Variants in GPAT3 observed in about 807,000 individuals in gnomAD.
The protein encoded by GPAT3 is glycerol-3-phosphate acyltransferase 3.
Under a neutral mutation model 58.8 loss-of-function variants are expected in GPAT3, and 53 were observed. The ratio of observed to expected loss-of-function variants is 0.90; its 90% confidence interval spans 0.72 to 1.13. The LOEUF (loss-of-function observed/expected upper bound fraction) is 1.13, where lower values mean the gene tolerates loss of function less well. Among genes scored for constraint, GPAT3 ranks in the 50% most tolerant of loss-of-function variants. GPAT3 has a pLI of 0.00. For synonymous variants in GPAT3, 197 were observed against 187.4 expected, an observed-to-expected ratio of 1.05 and a Z score of -0.42; for missense variants, 511 against 527.6, an observed-to-expected ratio of 0.97 and a Z score of 0.31.
chr4:83,600,997 G>A (rs989546892), intron 11 of GPAT3, among the ~76,000 whole-genome samples: 31 of 152,240 alleles, frequency 2.0e-4, no homozygotes, highest in African/African-American at 7.5e-4. Flanking sequence ...ACTGAGTTAG[G>A]CTGTCAGCCA....
intron 2 of GPAT3, among the ~76,000 whole-genome samples, chr4:83,575,452 G>A (rs565076870): frequency 2.0e-5 from 3 of 151,854 alleles, no homozygotes; most frequent in East Asian, 3.9e-4. Context: ...TTGCTCTGTC[G>A]CCCAGGCTGG....
At chr4:83,602,851 C>T (rs1292620482) in intron 11 of GPAT3, among the ~76,000 whole-genome samples, 1 of 152,164 alleles carries the variant, frequency 6.6e-6, no homozygotes, top group Admixed American at 6.5e-5. Flanking sequence ...ATAAAAGAGG[C>T]TTATGTGGAC....
intron 1 of GPAT3, 110 bp downstream of exon 1, chr4:83,536,873 T>C: frequency 3.0e-6 from 3 of 1,009,134 alleles, no homozygotes; most frequent in Non-Finnish European, 4.4e-6. Context: ...TGCGCGCGTG[T>C]GCATGCGTGC....
intron 6 of GPAT3, among the ~76,000 whole-genome samples, chr4:83,592,874 TC>T (rs1190531382): frequency 6.6e-6 from 1 of 152,108 alleles, no homozygotes; most frequent in Non-Finnish European, 1.5e-5. Context: ...ATTTAACATT[TC>T]TTTTTTTTTG....
chr4:83,598,477 C>T, intron 10 of GPAT3, 167 bp from the exon 11 acceptor site: 2 of 763,604 alleles, frequency 2.6e-6, no homozygotes, highest in East Asian at 2.7e-5. Flanking sequence ...TACAACACTG[C>T]ATTTTCTTTA....
At chr4:83,539,379 C>T (rs1363156140) in intron 1 of GPAT3, among the ~76,000 whole-genome samples, 1 of 152,160 alleles carries the variant, frequency 6.6e-6, no homozygotes, top group South Asian at 2.1e-4. Context: ...TTGGATATTT[C>T]TCAAGTTTCT....
At chr4:83,598,472 C>A in intron 10 of GPAT3, 172 bp from the exon 11 acceptor site, 3 of 752,580 alleles carry the variant, frequency 4.0e-6, no homozygotes, top group South Asian at 1.7e-5. Flanking sequence ...AACAATACAA[C>A]ACTGCATTTT....
At chr4:83,585,321 TATA>T (rs1726337768) in intron 3 of GPAT3, among the ~76,000 whole-genome samples, 1 of 149,868 alleles carries the variant, frequency 6.7e-6, no homozygotes, top group African/African-American at 2.4e-5. Flanking sequence ...GTTATTAAGT[TATA>T]ATTATAAAAT....
At chr4:83,572,096 G>T (rs893722449) in intron 2 of GPAT3, among the ~76,000 whole-genome samples, 1 of 152,046 alleles carries the variant, frequency 6.6e-6, no homozygotes, top group Non-Finnish European at 1.5e-5. Flanking sequence ...TTAAAATGTA[G>T]CTGACATTTT....
At chr4:83,591,818 A>G (rs1164525883) in intron 6 of GPAT3, among the ~76,000 whole-genome samples, 3 of 152,200 alleles carry the variant, frequency 2.0e-5, no homozygotes, top group African/African-American at 4.8e-5. Context: ...TTGTGCTGCT[A>G]CAACAGAATA....
intron 1 of GPAT3, among the ~76,000 whole-genome samples, chr4:83,542,261 T>C (rs1724332456): frequency 1.3e-5 from 2 of 152,214 alleles, no homozygotes; most frequent in African/African-American, 4.8e-5. Flanking sequence ...TCATATCTGG[T>C]TTACTTACAA....
Position 83,558,546 on chromosome 4 carries a change from T to C in GPAT3, c.208+13944T>C, listed in dbSNP as rs1725020232. On this transcript the variant is annotated intron_variant, in intron 2 of 11. Transcript: ENST00000264409. ...ATGGGGGACATTGGCAAATGTTTTTTGGTGGATATACTGGTGTTGAAGCGG... is the reference window on the plus strand; with the variant it reads ...ATGGGGGACATTGGCAAATGTTTTTCGGTGGATATACTGGTGTTGAAGCGG... Among the ~76,000 whole-genome samples, 6 of 152,224 alleles carry C rather than the reference T, an allele frequency of 3.9e-5. No homozygotes were observed. The South Asian group carries it at 1.2e-3, about 32-fold the overall frequency.
At chr4:83,586,207 T>C (rs963175225) in intron 3 of GPAT3, among the ~76,000 whole-genome samples, 13 of 152,302 alleles carry the variant, frequency 8.5e-5, no homozygotes, top group African/African-American at 2.6e-4. Flanking sequence ...AAACCTGGGA[T>C]TGGTTAAGAC....
At chr4:83,550,001 GT>G (rs1339603302) in intron 2 of GPAT3, among the ~76,000 whole-genome samples, 2 of 151,386 alleles carry the variant, frequency 1.3e-5, no homozygotes, top group Non-Finnish European at 2.9e-5. Flanking sequence ...GGGATTACAG[GT>G]GTGAGCCACC....
chr4:83,590,672 T>C (rs1726562006), intron 6 of GPAT3, among the ~76,000 whole-genome samples: 1 of 152,180 alleles, frequency 6.6e-6, no homozygotes, highest in African/African-American at 2.4e-5. Flanking sequence ...CTTTCTTCCT[T>C]CAGGGACTTA....
At position 83,594,794 on chromosome 4, in the gene GPAT3, T is replaced by G. The variant is rs373150302; in HGVS notation, c.739-51T>G. On this transcript the variant is annotated intron_variant, in intron 6 of 11. Coordinates refer to ENST00000264409, the MANE Select transcript of GPAT3 (RefSeq NM_032717.5). ...ATTTGTTGGTACTTAAAAAACTTTC[T>G]TTGCACAACGGTGCCTTTTACGTTT... 27 of 1,506,614 alleles carry G rather than the reference T, an allele frequency of 1.8e-5. No individual in the cohort carries two copies. In the African/African-American group the frequency reaches 3.3e-4, roughly 19 times the overall value. The allele number at this position is 1,506,614 out of a possible 1,614,324, so 93.3% of individuals were successfully genotyped here.
intron 1 of GPAT3, among the ~76,000 whole-genome samples, chr4:83,541,968 C>T (rs1192761426): frequency 6.6e-6 from 1 of 152,168 alleles, no homozygotes; most frequent in Non-Finnish European, 1.5e-5. Flanking sequence ...GATTAGGGCC[C>T]ACCCTAAGGG....
At chr4:83,547,391 T>C (rs906927111) in intron 2 of GPAT3, among the ~76,000 whole-genome samples, 1 of 151,244 alleles carries the variant, frequency 6.6e-6, no homozygotes, top group African/African-American at 2.4e-5. Flanking sequence ...TAGCTGGGAC[T>C]ACAGGTGCCC....
intron 6 of GPAT3, among the ~76,000 whole-genome samples, chr4:83,590,800 A>G (rs1049103885): frequency 2.6e-5 from 4 of 152,272 alleles, no homozygotes; most frequent in Admixed American, 2.0e-4. Context: ...AAAATGAAAC[A>G]AACCCAAGAA....
Sources: allele counts gnomAD v4.1 joint callset (sites outside exome capture counted in the v4.1 genomes callset), GRCh38; gene constraint gnomAD v4.1.1; transcripts MANE v1.5; gene names NCBI Gene and HGNC (gene_info 2026-07-23, HGNC 2026-07-21).